CDH12: variants seen among roughly 807,000 people sequenced by gnomAD.
CDH12 encodes cadherin 12, also known as cadherin-12.
Under a neutral mutation model 74.1 loss-of-function variants are expected in CDH12, and 41 were observed. The ratio of observed to expected loss-of-function variants is 0.55; its 90% confidence interval spans 0.43 to 0.72. CDH12 has a LOEUF of 0.72. Among genes scored for constraint, CDH12 ranks in the 30% least tolerant of loss-of-function variants. The probability of loss-of-function intolerance (pLI) is 0.00; values close to 1 mark genes in which losing one functional copy is unlikely to be tolerated. For missense variants in CDH12, 945 were observed against 977.2 expected (o/e 0.97, Z 0.44); for synonymous variants, 399 against 355.0 (o/e 1.12, Z -1.39).
chr5:22,639,181 G>C (rs1043439368), intron 1 of CDH12, among the ~76,000 whole-genome samples: 2 of 151,530 alleles, frequency 1.3e-5, no homozygotes, highest in South Asian at 2.1e-4. Flanking sequence ...ATACTTCAGG[G>C]ACTGAGGATA....
At chr5:22,497,127 T>C (rs1747133646) in intron 2 of CDH12, among the ~76,000 whole-genome samples, 1 of 152,220 alleles carries the variant, frequency 6.6e-6, no homozygotes, top group Admixed American at 6.5e-5. Flanking sequence ...ACTAAAATCA[T>C]AGAATAACGC....
chr5:22,464,380 G>A (rs553149091), intron 2 of CDH12, among the ~76,000 whole-genome samples: 1 of 152,056 alleles, frequency 6.6e-6, no homozygotes, highest in Non-Finnish European at 1.5e-5. Flanking sequence ...TCATTTTCAT[G>A]TCCTTTCTTT....
At chr5:22,384,958 T>C (rs893894877) in intron 3 of CDH12, among the ~76,000 whole-genome samples, 4 of 152,214 alleles carry the variant, frequency 2.6e-5, no homozygotes, top group Non-Finnish European at 2.9e-5. Flanking sequence ...ACAAATTGTT[T>C]ATGATTTGTT....
intron 1 of CDH12, among the ~76,000 whole-genome samples, chr5:22,529,629 T>C (rs1488781831): frequency 1.3e-5 from 2 of 152,068 alleles, no homozygotes; most frequent in East Asian, 1.9e-4. Context: ...TTCATCCAGA[T>C]ACACCCTTGC....
At chr5:22,794,032 C>T (rs1256927836) in intron 1 of CDH12, among the ~76,000 whole-genome samples, 1 of 152,204 alleles carries the variant, frequency 6.6e-6, no homozygotes, top group Non-Finnish European at 1.5e-5. Flanking sequence ...AAGGAATATG[C>T]TGAAACACTC....
intron 1 of CDH12, among the ~76,000 whole-genome samples, chr5:22,599,347 G>A (rs142147401): frequency 6.6e-6 from 1 of 152,260 alleles, no homozygotes; most frequent in East Asian, 1.9e-4. Context: ...GTGACTACTT[G>A]AGGGAGTGGA....
At chr5:22,359,939 A>C (rs1248156910) in intron 3 of CDH12, among the ~76,000 whole-genome samples, 2 of 152,200 alleles carry the variant, frequency 1.3e-5, no homozygotes, top group South Asian at 2.1e-4. Context: ...CAGTGTGTAG[A>C]GGGAAATTTA....
chr5:22,003,181 G>A (rs1736704128), intron 5 of CDH12, among the ~76,000 whole-genome samples: 2 of 152,000 alleles, frequency 1.3e-5, no homozygotes, highest in Non-Finnish European at 2.9e-5. Flanking sequence ...AAAATTTTCA[G>A]TATGATGCAT....
chr5:22,019,294 A>G (rs1737808831), intron 5 of CDH12, among the ~76,000 whole-genome samples: 1 of 152,154 alleles, frequency 6.6e-6, no homozygotes, highest in African/African-American at 2.4e-5. Flanking sequence ...CACATACAGT[A>G]TATACTTAAG....
intron 4 of CDH12, among the ~76,000 whole-genome samples, chr5:22,098,776 C>T (rs1013316188): frequency 3.9e-5 from 6 of 152,026 alleles, no homozygotes; most frequent in Non-Finnish European, 5.9e-5. Context: ...CCAATGTCCC[C>T]GTATTTCCTT....
At chr5:22,336,500 T>C (rs190335882) in intron 3 of CDH12, among the ~76,000 whole-genome samples, 45 of 152,304 alleles carry the variant, frequency 3.0e-4, no homozygotes, top group Admixed American at 8.5e-4. Flanking sequence ...CCAGGGTCCT[T>C]GTGCTGTGTG....
chr5:22,202,589 A>G (rs1393292974), intron 4 of CDH12, among the ~76,000 whole-genome samples: 8 of 152,110 alleles, frequency 5.3e-5, no homozygotes, highest in Non-Finnish European at 2.9e-5. Context: ...ATCCAGCAAG[A>G]GTAGAGGCAA....
intron 3 of CDH12, among the ~76,000 whole-genome samples, chr5:22,354,342 C>T (rs997201926): frequency 6.6e-6 from 1 of 152,294 alleles, no homozygotes. Flanking sequence ...ACCCCCAACC[C>T]GCAACCATCA....
intron 13 of CDH12, 45 bp downstream of exon 13, chr5:21,760,513 C>A: frequency 2.2e-6 from 2 of 921,560 alleles, no homozygotes; most frequent in Non-Finnish European, 1.8e-6. Context: ...TGCCTTTTTA[C>A]AAAGATACAT....
intron 6 of CDH12, among the ~76,000 whole-genome samples, chr5:21,925,641 A>G (rs918016834): frequency 1.3e-5 from 2 of 152,072 alleles, no homozygotes; most frequent in Admixed American, 6.5e-5. Context: ...GTTATTTTTC[A>G]TTTTGCTCTT....
chr5:21,789,506 T>C (rs369417956), intron 10 of CDH12, among the ~76,000 whole-genome samples: 6 of 152,280 alleles, frequency 3.9e-5, no homozygotes, highest in Non-Finnish European at 1.5e-5. Flanking sequence ...AGACTGTAAA[T>C]GAGCGTCTTT....
At chr5:22,808,698 G>A (rs901517800) in intron 1 of CDH12, among the ~76,000 whole-genome samples, 4 of 140,128 alleles carry the variant, frequency 2.9e-5, no homozygotes, top group South Asian at 2.3e-4. Context: ...TTCTGCTCCC[G>A]GGTTCAAGCG....
intron 1 of CDH12, among the ~76,000 whole-genome samples, chr5:22,649,760 G>A (rs2126881997): frequency 6.6e-6 from 1 of 151,894 alleles, no homozygotes; most frequent in African/African-American, 2.4e-5. Flanking sequence ...AAGCTTTTTT[G>A]CATGAGCTAG....
intron 12 of CDH12, among the ~76,000 whole-genome samples, chr5:21,763,780 C>T (rs1050652935): frequency 2.6e-5 from 4 of 152,148 alleles, no homozygotes; most frequent in African/African-American, 9.7e-5. Flanking sequence ...CACCACCTAA[C>T]ATAAAACCTT....
Sources: allele counts gnomAD v4.1 joint callset (sites outside exome capture counted in the v4.1 genomes callset), GRCh38; gene constraint gnomAD v4.1.1; transcripts MANE v1.5; gene names NCBI Gene and HGNC (gene_info 2026-07-23, HGNC 2026-07-21).